TMEM178B: variants seen among roughly 807,000 people sequenced by gnomAD.
TMEM178B encodes the protein transmembrane protein 178B.
A neutral mutation model predicts 31.0 loss-of-function variants in TMEM178B; 5 were observed. The ratio of observed to expected loss-of-function variants is 0.16; its 90% CI spans 0.08 to 0.34. The LOEUF (loss-of-function observed/expected upper bound fraction) is 0.34, where lower values mean the gene tolerates loss of function less well. TMEM178B is among the 10% of genes least tolerant of loss of function. The probability of loss-of-function intolerance (pLI) is 1.00; values close to 1 mark genes in which losing one functional copy is unlikely to be tolerated. For missense variants in TMEM178B, 275 were observed against 400.3 expected, an observed-to-expected ratio of 0.69 and a Z score of 2.67; for synonymous variants, 164 against 164.0, an observed-to-expected ratio of 1.00 and a Z score of 0.00.
chr7:141,301,608 C>T (rs1348849265), intron 2 of TMEM178B, among the ~76,000 whole-genome samples: 3 of 152,122 alleles, frequency 2.0e-5, no homozygotes, highest in Non-Finnish European at 4.4e-5. Flanking sequence ...GTTTTCCAAT[C>T]TCGAGCTAAG....
chr7:141,336,248 C>T (rs1431353521), intron 2 of TMEM178B, among the ~76,000 whole-genome samples: 3 of 152,130 alleles, frequency 2.0e-5, no homozygotes, highest in African/African-American at 7.2e-5. Flanking sequence ...TACTCCTGCC[C>T]ACGTGTAAAC....
intron 2 of TMEM178B, among the ~76,000 whole-genome samples, chr7:141,280,732 C>T (rs1224612762): frequency 1.3e-5 from 2 of 152,040 alleles, no homozygotes; most frequent in Non-Finnish European, 2.9e-5. Context: ...ATTTAAATGA[C>T]ACTTTTTTCC....
chr7:141,359,733 C>T (rs1440164408), intron 2 of TMEM178B, among the ~76,000 whole-genome samples: 2 of 152,184 alleles, frequency 1.3e-5, no homozygotes, highest in East Asian at 3.8e-4. Flanking sequence ...TCCTTCAGAA[C>T]TCTTTACTGC....
chr7:141,118,577 C>G (rs1029345761), intron 1 of TMEM178B, among the ~76,000 whole-genome samples: 17 of 152,088 alleles, frequency 1.1e-4, no homozygotes, highest in African/African-American at 4.1e-4. Context: ...GATCTGTGAC[C>G]CCAGGGGGGA....
chr7:141,458,848 G>T (rs1320550337), intron 3 of TMEM178B, among the ~76,000 whole-genome samples: 1 of 152,176 alleles, frequency 6.6e-6, no homozygotes, highest in Non-Finnish European at 1.5e-5. Context: ...GTGTGTACGT[G>T]CATGGGTGCA....
intron 1 of TMEM178B, among the ~76,000 whole-genome samples, chr7:141,180,234 A>G (rs1450421290): frequency 2.0e-5 from 3 of 152,152 alleles, no homozygotes; most frequent in African/African-American, 7.2e-5. Context: ...TAATTCCAGC[A>G]CAGGCTGAGG....
At chr7:141,501,605 TAAAAC>T in the TMEM178B span, among the ~76,000 whole-genome samples, 1 of 152,140 alleles carries the variant, frequency 6.6e-6, no homozygotes, top group Non-Finnish European at 1.5e-5. Context: ...AGACTTTGAG[TAAAAC>T]AAATTACCCT....
chr7:141,449,739 A>G (rs1023434668), intron 3 of TMEM178B, among the ~76,000 whole-genome samples: 59 of 152,282 alleles, frequency 3.9e-4, no homozygotes, highest in African/African-American at 1.3e-3. Context: ...AGCCCTCACT[A>G]TGAGCCGCCA....
At chr7:141,491,373 C>T in the TMEM178B span, among the ~76,000 whole-genome samples, 1 of 152,116 alleles carries the variant, frequency 6.6e-6, no homozygotes, top group Admixed American at 6.6e-5. Flanking sequence ...TTTTCCTTGC[C>T]ACCATGTAGT....
At chr7:141,108,525 A>G (rs368150994) in intron 1 of TMEM178B, among the ~76,000 whole-genome samples, 1 of 152,182 alleles carries the variant, frequency 6.6e-6, no homozygotes, top group Non-Finnish European at 1.5e-5. Context: ...TTTTGATTGC[A>G]TCAATTCTTG....
intron 2 of TMEM178B, among the ~76,000 whole-genome samples, chr7:141,423,868 G>T (rs928407224): frequency 7.4e-5 from 11 of 148,974 alleles, no homozygotes; most frequent in Admixed American, 4.7e-4. Context: ...GAGTGTAGTG[G>T]CACGATCTTG....
intron 2 of TMEM178B, among the ~76,000 whole-genome samples, chr7:141,407,873 T>C (rs1723896343): frequency 6.6e-6 from 1 of 152,238 alleles, no homozygotes; most frequent in Admixed American, 6.5e-5. Flanking sequence ...GCCCAGCCTG[T>C]CTCATTTTGT....
intron 1 of TMEM178B, among the ~76,000 whole-genome samples, chr7:141,157,420 C>T (rs576835970): frequency 1.3e-4 from 20 of 150,196 alleles, no homozygotes; most frequent in Middle Eastern, 6.8e-3. Flanking sequence ...CCTACTCCTG[C>T]GCGCGTGCAC....
chr7:141,367,892 G>C (rs898430628), intron 2 of TMEM178B, among the ~76,000 whole-genome samples: 1 of 152,138 alleles, frequency 6.6e-6, no homozygotes, highest in Non-Finnish European at 1.5e-5. Context: ...CTTTAGAGCA[G>C]GTCGACCTTG....
chr7:141,305,008 T>G (rs1798792405), intron 2 of TMEM178B, among the ~76,000 whole-genome samples: 1 of 152,206 alleles, frequency 6.6e-6, no homozygotes, highest in Non-Finnish European at 1.5e-5. Flanking sequence ...ACTTTTCTGG[T>G]GTCTCTACCT....
chr7:141,504,555 AG>A, the TMEM178B span, among the ~76,000 whole-genome samples: 2 of 152,260 alleles, frequency 1.3e-5, no homozygotes, highest in Non-Finnish European at 2.9e-5. Flanking sequence ...AATTTGCTAA[AG>A]CTGAATGCTC....
chr7:141,235,778 C>T (rs984192972), intron 2 of TMEM178B, among the ~76,000 whole-genome samples: 1 of 152,184 alleles, frequency 6.6e-6, no homozygotes, highest in African/African-American at 2.4e-5. Context: ...TCATAGGGCT[C>T]ATTATTGACC....
intron 2 of TMEM178B, among the ~76,000 whole-genome samples, chr7:141,419,190 G>A (rs559854498): frequency 2.0e-5 from 3 of 152,232 alleles, no homozygotes; most frequent in Admixed American, 6.5e-5. Context: ...GATTATAGTC[G>A]TGAGGCACCG....
At position 141,344,574 on chromosome 7, in the gene TMEM178B, C is replaced by CCCTTCCTTCCTTCCTT. The variant is rs34831263; in HGVS notation, c.497-92994_497-92979dup. On this transcript the variant is annotated intron_variant, in intron 2 of 3. Coordinates refer to ENST00000565468, the MANE Select transcript of TMEM178B (RefSeq NM_001195278.2). The surrounding 1 kb of genome is among the most constrained non-coding windows in gnomAD (Gnocchi z 4.1). ...CTCCCTCCCTCCATTCCTCCCTCCT[C>CCCTTCCTTCCTTCCTT]CCTTCCTTCCTTCCTTCCTTCCTTC... Among the ~76,000 whole-genome samples the CCCTTCCTTCCTTCCTT allele has an allele frequency of 7.1e-3, 979 of 137,304 alleles. 7 individuals are homozygous for CCCTTCCTTCCTTCCTT. Among genetic ancestry groups the CCCTTCCTTCCTTCCTT allele is most frequent in the South Asian group, 0.012 (45 of 3,650 alleles). The allele number at this position is 137,304 out of a possible 152,430, so 90.1% of individuals were successfully genotyped here.
Sources: gnomAD v4.1 joint callset for allele counts (sites outside exome capture counted in the v4.1 genomes callset) on GRCh38, gnomAD v4.1.1 for gene constraint, Gnocchi (gnomAD v3.1) non-coding constraint, MANE v1.5 for transcripts, NCBI Gene and HGNC (gene_info 2026-07-23, HGNC 2026-07-21) for gene names.